The following DOCK7 variants were observed in gnomAD, a reference collection of about 807,000 sequenced individuals.
The protein encoded by DOCK7 is dedicator of cytokinesis 7.
Under a neutral mutation model 271.0 loss-of-function variants are expected in DOCK7, and 138 were observed. The observed-to-expected ratio is 0.51, with a 90% CI of 0.44 to 0.59. The LOEUF is 0.59. Among genes scored for constraint, DOCK7 ranks in the 20% least tolerant of loss-of-function variants. The pLI is 0.00. For synonymous variants in DOCK7, 823 were observed against 876.1 expected (o/e 0.94, Z 1.07); for missense variants, 2,066 against 2,592.4 (o/e 0.80, Z 4.41).
chr1:62,532,640 G>A (rs1405132481), intron 29 of DOCK7, among the ~76,000 whole-genome samples: 1 of 152,176 alleles, frequency 6.6e-6, no homozygotes, highest in African/African-American at 2.4e-5. Context: ...TGGCCAATAT[G>A]GCTGTAATTT....
At chr1:62,631,731 A>G (rs985693880) in intron 10 of DOCK7, among the ~76,000 whole-genome samples, 1 of 145,848 alleles carries the variant, frequency 6.9e-6, no homozygotes, top group African/African-American at 2.7e-5. Flanking sequence ...CTAGTCAGCA[A>G]CTGGTAACTA....
intron 7 of DOCK7, among the ~76,000 whole-genome samples, chr1:62,644,764 T>A (rs980486137): frequency 1.3e-5 from 2 of 152,212 alleles, no homozygotes; most frequent in Non-Finnish European, 2.9e-5. Flanking sequence ...AGTAAAGCTA[T>A]CATTTCTGAC....
chr1:62,581,180 G>A (rs556570018), intron 16 of DOCK7, among the ~76,000 whole-genome samples: 1 of 152,132 alleles, frequency 6.6e-6, no homozygotes, highest in African/African-American at 2.4e-5. Context: ...TTGTAACTTA[G>A]GAGGTAATAT....
chr1:62,688,169 G>A (rs916506212), intron 1 of DOCK7, 58 bp downstream of exon 1: 66 of 1,332,038 alleles, frequency 5.0e-5, no homozygotes, highest in Middle Eastern at 2.2e-4. Context: ...AGGCCTGGGA[G>A]GACTCCGCGG....
chr1:62,622,446 A>G (rs1274636440), intron 12 of DOCK7, among the ~76,000 whole-genome samples: 1 of 151,816 alleles, frequency 6.6e-6, no homozygotes, highest in African/African-American at 2.4e-5. Flanking sequence ...TTTTGACTTC[A>G]CACATTTTAT....
intron 14 of DOCK7, chr1:62,601,239 C>A: frequency 1.5e-6 from 2 of 1,292,554 alleles, no homozygotes; most frequent in Non-Finnish European, 2.2e-6. Context: ...CTATTATTAT[C>A]AAATTCCCTA....
At chr1:62,561,944 T>A (rs1274062472) in intron 18 of DOCK7, among the ~76,000 whole-genome samples, 1 of 150,486 alleles carries the variant, frequency 6.6e-6, no homozygotes, top group East Asian at 1.9e-4. Context: ...ATTTCTATCT[T>A]CCCAGAGATA....
At chr1:62,574,555 T>C (rs922534412) in intron 18 of DOCK7, among the ~76,000 whole-genome samples, 24 of 152,106 alleles carry the variant, frequency 1.6e-4, no homozygotes, top group African/African-American at 4.3e-4. Context: ...GTGCCAGACA[T>C]TGAGGCAGCA....
At chr1:62,518,354 G>A (rs1357898920) in intron 31 of DOCK7, among the ~76,000 whole-genome samples, 1 of 152,078 alleles carries the variant, frequency 6.6e-6, no homozygotes, top group African/African-American at 2.4e-5. Context: ...GGTGGATCAC[G>A]AGGTCAGGAG....
intron 11 of DOCK7, among the ~76,000 whole-genome samples, chr1:62,630,533 C>T (rs1216859062): frequency 6.6e-6 from 1 of 152,102 alleles, no homozygotes; most frequent in African/African-American, 2.4e-5. Flanking sequence ...CCCATGTTAC[C>T]TTACGCTGCT....
chr1:62,606,315 T>C (rs1048511265), intron 14 of DOCK7, among the ~76,000 whole-genome samples: 1 of 139,506 alleles, frequency 7.2e-6, no homozygotes, highest in African/African-American at 2.6e-5. Context: ...TTGGTTTCCT[T>C]AAAAAAAAAA....
chr1:62,673,637 AATAAACCCAGAGCTGCCTTACCC>A (rs1193601865), intron 1 of DOCK7, among the ~76,000 whole-genome samples: 1 of 152,218 alleles, frequency 6.6e-6, no homozygotes, highest in East Asian at 1.9e-4. Context: ...TCATTATAAA[AATAAACCCAGAGCTGCCTTACCC>A]ATAAACATAC....
intron 14 of DOCK7, among the ~76,000 whole-genome samples, chr1:62,587,604 G>A (rs1001076234): frequency 6.6e-6 from 1 of 152,132 alleles, no homozygotes; most frequent in Admixed American, 6.5e-5. Flanking sequence ...AAATTATAAA[G>A]AAACACAACG....
chr1:62,575,599 G>C (rs1240280621), intron 18 of DOCK7, among the ~76,000 whole-genome samples: 4 of 152,170 alleles, frequency 2.6e-5, no homozygotes, highest in Non-Finnish European at 5.9e-5. Flanking sequence ...AGTTTTTAGG[G>C]AGTCAAAAGT....
Position 62,454,775 on chromosome 1 carries a change from T to G in DOCK7, c.*639A>C, listed in dbSNP as rs911962960. ...TTAAGGTGTTGTCACTGGTATTAGT[T>G]ATCCCCGTATTTAAATTATTTTACA... On this transcript the variant is annotated 3_prime_UTR_variant, in exon 50 of 50. Coordinates refer to ENST00000635253, the MANE Select transcript of DOCK7 (RefSeq NM_001367561.1). 6.3e-6 allele frequency: 1 copy of G among 158,682 alleles called. No homozygotes were observed. The highest frequency in any genetic ancestry group is 2.4e-5 in the African/African-American group (1 of 41,776). The allele number at this position is 158,682 out of a possible 1,614,324, so 9.8% of individuals were successfully genotyped here.
intron 25 of DOCK7, among the ~76,000 whole-genome samples, chr1:62,541,747 C>T (rs1206157250): frequency 1.2e-4 from 18 of 152,126 alleles, no homozygotes; most frequent in Admixed American, 1.2e-3. Context: ...CAGATTTTGA[C>T]TGTGTGGGGG....
intron 7 of DOCK7, among the ~76,000 whole-genome samples, chr1:62,640,099 CACTT>C (rs1159913501): frequency 6.6e-6 from 1 of 152,062 alleles, no homozygotes; most frequent in Non-Finnish European, 1.5e-5. Context: ...TCTACATACT[CACTT>C]ATTTAAAATG....
intron 18 of DOCK7, among the ~76,000 whole-genome samples, chr1:62,562,929 C>T (rs1646376331): frequency 6.6e-6 from 1 of 152,172 alleles, no homozygotes; most frequent in Non-Finnish European, 1.5e-5. Context: ...AGAGCCTAGG[C>T]AGCCACCCTT....
At chr1:62,686,718 G>A (rs1268990584) in intron 1 of DOCK7, among the ~76,000 whole-genome samples, 1 of 152,062 alleles carries the variant, frequency 6.6e-6, no homozygotes, top group East Asian at 1.9e-4. Flanking sequence ...TTTGCCAGAC[G>A]AGGAAACGGA....
Sources: allele counts gnomAD v4.1 joint callset (sites outside exome capture counted in the v4.1 genomes callset), GRCh38; gene constraint gnomAD v4.1.1; transcripts MANE v1.5; gene names NCBI Gene and HGNC (gene_info 2026-07-23, HGNC 2026-07-21).